Variants in SCFD1 observed in about 807,000 individuals in gnomAD.
SCFD1 encodes the protein sec1 family domain-containing protein 1.
In SCFD1, 37 loss-of-function variants were observed where a neutral mutation model predicts 103.2. That is an observed-to-expected ratio of 0.36 (90% CI 0.28 to 0.47). The LOEUF is 0.47. Ranked by LOEUF, SCFD1 falls within the 20% of genes least tolerant of loss-of-function variation. The probability of loss-of-function intolerance (pLI) is 1.00; values close to 1 mark genes in which losing one functional copy is unlikely to be tolerated. For synonymous variants in SCFD1, 264 were observed against 245.0 expected (o/e 1.08, Z -0.73); for missense variants, 639 against 761.2 (o/e 0.84, Z 1.89).
At chr14:30,634,895 A>G (rs2139022023) in intron 4 of SCFD1, 1 of 456,022 alleles carries the variant, frequency 2.2e-6, no homozygotes, top group Middle Eastern at 3.3e-4. Flanking sequence ...AGAAACTCCC[A>G]GAAGACCTTT....
rs747516615 is a variant in SCFD1 at position 30,630,456 on chromosome 14, A to G, written c.133-21A>G. On this transcript the variant is annotated intron_variant, in intron 2 of 24. Coordinates refer to ENST00000458591, the MANE Select transcript of SCFD1 (RefSeq NM_016106.4). The stretch of plus-strand genomic sequence containing the variant: ...TATTGGTTGTTCACTGATAATGATG[A>G]CACATGGTTTTTTTTAATAGGTACT... 3.6e-6 allele frequency: 5 copies of G among 1,379,314 alleles called. No individual in the cohort carries two copies. The Admixed American group carries it at 6.7e-5, about 19-fold the overall frequency. 85.4% of individuals were successfully genotyped at this position (1,379,314 alleles called of 1,614,324 possible). A position where few individuals can be genotyped will look rare whatever the true frequency, so the allele number is the denominator to read the frequency against.
At chr14:30,643,221 A>G (rs2139062365) in intron 6 of SCFD1, 95 bp from the exon 7 acceptor site, 2 of 857,546 alleles carry the variant, frequency 2.3e-6, no homozygotes, top group Non-Finnish European at 1.9e-6. Flanking sequence ...GTTTTATTAT[A>G]TGTCAATTAA....
intron 10 of SCFD1, among the ~76,000 whole-genome samples, chr14:30,659,879 A>G (rs368420972): frequency 2.6e-5 from 4 of 152,154 alleles, no homozygotes; most frequent in South Asian, 2.1e-4. Context: ...AATTTTTTAA[A>G]CTTTTACTAG....
intron 2 of SCFD1, among the ~76,000 whole-genome samples, chr14:30,629,111 T>C (rs1189356263): frequency 6.6e-6 from 1 of 152,186 alleles, no homozygotes; most frequent in African/African-American, 2.4e-5. Flanking sequence ...AGACCAATAT[T>C]GAGCTTTTGG....
chr14:30,672,014 TAAA>T (rs567181542), intron 11 of SCFD1, among the ~76,000 whole-genome samples: 1 of 136,208 alleles, frequency 7.3e-6, no homozygotes, highest in Non-Finnish European at 1.6e-5. Flanking sequence ...AACTCCATCT[TAAA>T]AAAAAAAAAA....
chr14:30,730,779 A>G (rs1471688365), intron 23 of SCFD1, among the ~76,000 whole-genome samples: 1 of 151,906 alleles, frequency 6.6e-6, no homozygotes, highest in Admixed American at 6.6e-5. Flanking sequence ...GATTGCAAAA[A>G]TTTTCTCCCA....
chr14:30,661,413 G>A (rs768804598), intron 10 of SCFD1, among the ~76,000 whole-genome samples: 4 of 152,152 alleles, frequency 2.6e-5, no homozygotes, highest in Non-Finnish European at 4.4e-5. Flanking sequence ...ACTCAGGACA[G>A]CTGTGCCATT....
intron 15 of SCFD1, among the ~76,000 whole-genome samples, chr14:30,696,657 T>C (rs930129894): frequency 6.6e-6 from 1 of 152,094 alleles, no homozygotes; most frequent in Non-Finnish European, 1.5e-5. Context: ...TGTCCACATG[T>C]GGGAGTAGTC....
chr14:30,655,983 C>G (rs777407490), intron 10 of SCFD1, among the ~76,000 whole-genome samples: 2 of 152,052 alleles, frequency 1.3e-5, no homozygotes, highest in Non-Finnish European at 2.9e-5. Flanking sequence ...AAATTAGTGA[C>G]TTGTGGTGGC....
chr14:30,647,108 C>A (rs557945670), intron 7 of SCFD1, among the ~76,000 whole-genome samples: 1 of 152,154 alleles, frequency 6.6e-6, no homozygotes, highest in East Asian at 1.9e-4. Context: ...TGTAGATTGT[C>A]TAAAATTTTG....
chr14:30,627,856 TAAAAA>T (rs59421697), intron 1 of SCFD1, among the ~76,000 whole-genome samples: 1 of 116,358 alleles, frequency 8.6e-6, no homozygotes, highest in East Asian at 2.4e-4. Context: ...CACTCAGACT[TAAAAA>T]AAAAAAAAAA....
intron 10 of SCFD1, among the ~76,000 whole-genome samples, chr14:30,662,533 G>T (rs1398193495): frequency 1.3e-5 from 2 of 152,126 alleles, no homozygotes; most frequent in Non-Finnish European, 2.9e-5. Flanking sequence ...AGTGGAAGTT[G>T]AAGACTCACC....
At chr14:30,679,703 T>G (rs1258551962) in intron 14 of SCFD1, among the ~76,000 whole-genome samples, 1 of 151,914 alleles carries the variant, frequency 6.6e-6, no homozygotes, top group Non-Finnish European at 1.5e-5. Context: ...TTTTTTAACA[T>G]TAACTGACTT....
chr14:30,690,976 G>T (rs1420093466), intron 14 of SCFD1, among the ~76,000 whole-genome samples: 2 of 152,184 alleles, frequency 1.3e-5, no homozygotes, highest in Non-Finnish European at 2.9e-5. Flanking sequence ...TTGAGCCCAT[G>T]TTGTAGAAGA....
intron 4 of SCFD1, chr14:30,634,947 C>A (rs1159496881): frequency 4.4e-6 from 2 of 455,852 alleles, no homozygotes; most frequent in African/African-American, 4.0e-5. Flanking sequence ...AGGGTGGCTG[C>A]AAAAGTCAAT....
chr14:30,734,320 A>G (rs1301372350), intron 23 of SCFD1, among the ~76,000 whole-genome samples: 1 of 152,228 alleles, frequency 6.6e-6, no homozygotes. Flanking sequence ...GATGTTGACA[A>G]TGTGGAATGA....
intron 10 of SCFD1, among the ~76,000 whole-genome samples, chr14:30,656,546 G>A (rs1445969302): frequency 2.0e-5 from 3 of 152,064 alleles, no homozygotes; most frequent in Admixed American, 6.5e-5. Flanking sequence ...CAATCAAAAC[G>A]TCTTACACAC....
intron 14 of SCFD1, chr14:30,676,265 A>G (rs1462247808): frequency 6.6e-6 from 1 of 152,230 alleles, no homozygotes; most frequent in Admixed American, 6.5e-5. Flanking sequence ...ATGTTTATTG[A>G]GTGGCTCTAT....
chr14:30,672,805 A>G (rs1029177076), intron 11 of SCFD1, among the ~76,000 whole-genome samples: 5 of 152,198 alleles, frequency 3.3e-5, no homozygotes. Context: ...GAATTTTTTC[A>G]CAGTTACTTG....
Sources: gnomAD v4.1 joint callset for allele counts (sites outside exome capture counted in the v4.1 genomes callset) on GRCh38, gnomAD v4.1.1 for gene constraint, MANE v1.5 for transcripts, NCBI Gene and HGNC (gene_info 2026-07-23, HGNC 2026-07-21) for gene names.